NELL2: variants seen among roughly 807,000 people sequenced by gnomAD.
The protein encoded by NELL2 is neural EGFL like 2, also known as protein kinase C-binding protein NELL2.
Under a neutral mutation model 109.6 loss-of-function variants are expected in NELL2, and 41 were observed. That is an observed-to-expected ratio of 0.37 (90% CI 0.29 to 0.49). NELL2 has a LOEUF of 0.49. Ranked by LOEUF, NELL2 falls within the 20% of genes least tolerant of loss-of-function variation. The pLI, the probability that NELL2 is intolerant of heterozygous loss-of-function variation, is 0.98. For synonymous variants in NELL2, 355 were observed against 344.7 expected, an observed-to-expected ratio of 1.03 and a Z score of -0.33; for missense variants, 900 against 1,008.3, an observed-to-expected ratio of 0.89 and a Z score of 1.45.
chr12:44,740,717 T>C (rs1312870299), intron 9 of NELL2, among the ~76,000 whole-genome samples: 1 of 152,204 alleles, frequency 6.6e-6, no homozygotes, highest in Admixed American at 6.5e-5. Context: ...CCAGTTAGCA[T>C]GCAGGTCTCC....
chr12:44,822,883 G>A (rs1428303807), intron 2 of NELL2, among the ~76,000 whole-genome samples: 2 of 152,006 alleles, frequency 1.3e-5, no homozygotes, highest in East Asian at 3.9e-4. Context: ...AAATTTCTAG[G>A]GATTTAGACA....
At chr12:44,741,869 C>T (rs1008591913) in intron 9 of NELL2, among the ~76,000 whole-genome samples, 1 of 152,254 alleles carries the variant, frequency 6.6e-6, no homozygotes, top group East Asian at 1.9e-4. Flanking sequence ...CCTCTGTAGG[C>T]TCCACCTCTG....
At chr12:44,808,277 T>G (rs1054843320) in intron 3 of NELL2, among the ~76,000 whole-genome samples, 1 of 152,002 alleles carries the variant, frequency 6.6e-6, no homozygotes, top group Non-Finnish European at 1.5e-5. Context: ...AAAATGTGTA[T>G]TTCTGTCCAT....
At chr12:44,671,008 C>T (rs1192032851) in intron 12 of NELL2, among the ~76,000 whole-genome samples, 2 of 152,136 alleles carry the variant, frequency 1.3e-5, no homozygotes, top group Non-Finnish European at 2.9e-5. Flanking sequence ...TCTACCGATA[C>T]ATGGAAAGTT....
At chr12:44,908,348 C>A (rs979319012) in intron 1 of NELL2, among the ~76,000 whole-genome samples, 1 of 151,744 alleles carries the variant, frequency 6.6e-6, no homozygotes, top group African/African-American at 2.4e-5. Flanking sequence ...GTAAGAAAGG[C>A]AGTAAAACAG....
At chr12:44,680,308 G>A (rs1398539470) in intron 12 of NELL2, among the ~76,000 whole-genome samples, 2 of 152,032 alleles carry the variant, frequency 1.3e-5, no homozygotes, top group Non-Finnish European at 2.9e-5. Context: ...GTTTAATGTT[G>A]ATTAGGAAGT....
At chr12:44,710,349 T>C (rs1267734745) in intron 11 of NELL2, among the ~76,000 whole-genome samples, 1 of 152,144 alleles carries the variant, frequency 6.6e-6, no homozygotes, top group African/African-American at 2.4e-5. Flanking sequence ...GGGCAGTTTG[T>C]TATACAGCAC....
chr12:44,607,676 C>T (rs1480209327), intron 14 of NELL2, among the ~76,000 whole-genome samples: 4 of 152,160 alleles, frequency 2.6e-5, no homozygotes, highest in Non-Finnish European at 5.9e-5. Context: ...TCCCATGAGG[C>T]TCTGACCATT....
rs1186251479 is a variant in NELL2 at position 44,812,243 on chromosome 12, A to G, written c.335+3743T>C. Among the ~76,000 whole-genome samples the G allele has an allele frequency of 3.3e-5, 5 of 152,274 alleles. No homozygotes were observed. The East Asian group carries it at 9.6e-4, about 29-fold the overall frequency. The stretch of plus-strand genomic sequence containing the variant: ...ACTTGGTTGTATATGACTGTCTTGC[A>G]TATTACCAAGAAAGTGTCTCCAAAG... On this transcript the variant is annotated intron_variant, in intron 3 of 19. Coordinates refer to ENST00000429094, the MANE Select transcript of NELL2 (RefSeq NM_001145108.2).
intron 3 of NELL2, among the ~76,000 whole-genome samples, chr12:44,792,867 G>A (rs751746354): frequency 5.3e-5 from 8 of 152,130 alleles, no homozygotes; most frequent in African/African-American, 1.7e-4. Flanking sequence ...GAGCGATTCC[G>A]AATCTAAAAA....
Position 44,830,685 on chromosome 12 carries a change from C to T in NELL2, c.185-14549G>A, listed in dbSNP as rs1179300492. On this transcript the variant is annotated intron_variant, in intron 2 of 19. Coordinates refer to ENST00000429094, the MANE Select transcript of NELL2 (RefSeq NM_001145108.2). ...TGCCAGAAAATCACAAGTCTTGCTGCTCAGAGATTTTACAAAAAAAGAGCT... is the reference window on the plus strand; with the variant it reads ...TGCCAGAAAATCACAAGTCTTGCTGTTCAGAGATTTTACAAAAAAAGAGCT... Among the ~76,000 whole-genome samples, 3 of 152,074 alleles carry T rather than the reference C, an allele frequency of 2.0e-5. No homozygotes were observed. The East Asian group carries it at 5.8e-4, about 29-fold the overall frequency.
intron 1 of NELL2, among the ~76,000 whole-genome samples, chr12:44,886,145 A>G (rs1945471338): frequency 7.0e-6 from 1 of 142,576 alleles, no homozygotes; most frequent in South Asian, 2.2e-4. Context: ...GGAAGGAAGG[A>G]AGAAAGGGAG....
At chr12:44,854,268 A>G (rs1944611609) in intron 2 of NELL2, among the ~76,000 whole-genome samples, 1 of 152,196 alleles carries the variant, frequency 6.6e-6, no homozygotes, top group Non-Finnish European at 1.5e-5. Flanking sequence ...ACACCAGTGT[A>G]TGGAAGAAAT....
chr12:44,815,587 T>C (rs1246329849), intron 3 of NELL2, among the ~76,000 whole-genome samples: 2 of 152,246 alleles, frequency 1.3e-5, no homozygotes, highest in African/African-American at 4.8e-5. Flanking sequence ...GTGATTTTTG[T>C]ATAATGTAAC....
intron 9 of NELL2, among the ~76,000 whole-genome samples, chr12:44,765,507 T>C (rs2136560065): frequency 6.6e-6 from 1 of 152,240 alleles, no homozygotes; most frequent in East Asian, 1.9e-4. Flanking sequence ...TTCTAGCAAC[T>C]GAGGTGAAAC....
chr12:44,771,780 T>C (rs1423435757), intron 9 of NELL2, among the ~76,000 whole-genome samples: 2 of 152,186 alleles, frequency 1.3e-5, no homozygotes, highest in Non-Finnish European at 2.9e-5. Flanking sequence ...TATATTCAGA[T>C]AACGAGCTGG....
At chr12:44,781,803 A>C (rs898624775) in intron 3 of NELL2, among the ~76,000 whole-genome samples, 2 of 152,014 alleles carry the variant, frequency 1.3e-5, no homozygotes, top group Non-Finnish European at 2.9e-5. Context: ...ACCCAGCAAA[A>C]ACATCCTTCA....
chr12:44,553,612 A>G lies in NELL2; in HGVS notation c.1664-20891T>C, dbSNP rs576145710. Among the ~76,000 whole-genome samples, 12 of 152,320 alleles carry G rather than the reference A, an allele frequency of 7.9e-5. No homozygotes were observed. In the South Asian group the frequency reaches 2.3e-3, roughly 29 times the overall value. The stretch of plus-strand genomic sequence containing the variant: ...GAATGCTTAAAATAAGTAGAATAGT[A>G]TATGTTTGAAGGGATGGATATTCCA... On this transcript the variant is annotated intron_variant, in intron 15 of 19. Transcript: ENST00000429094.
chr12:44,665,529 T>C lies in NELL2; in HGVS notation c.1399A>G (p.Ile467Val). 6.2e-7 allele frequency: 1 copy of C among 1,613,708 alleles called. No homozygotes were observed. Among genetic ancestry groups the C allele is most frequent in the Non-Finnish European group, 8.5e-7 (1 of 1,179,606 alleles). The change falls in exon 13 of 20, where the codon ATC becomes GTC. Residue 467 changes from isoleucine (I) to valine (V), a missense_variant. Physicochemically the swap from Ile to Val is conservative, Grantham distance 29. Coordinates refer to ENST00000429094, the MANE Select transcript of NELL2 (RefSeq NM_001145108.2). ...ATTCTGATGTATCCAGTTTTGCAGATGCACATAAAAGAACCCGGGGTGTTG... is the reference window on the plus strand; with the variant it reads ...ATTCTGATGTATCCAGTTTTGCAGACGCACATAAAAGAACCCGGGGTGTTG... ...CVNTPGSFMCICKTGYIRIDD... is the reference protein window; with the variant it reads ...CVNTPGSFMCVCKTGYIRIDD...
Sources: allele counts gnomAD v4.1 joint callset (sites outside exome capture counted in the v4.1 genomes callset), GRCh38; gene constraint gnomAD v4.1.1; transcripts MANE v1.5; gene names NCBI Gene and HGNC (gene_info 2026-07-23, HGNC 2026-07-21).